The following OR6Y1 variants were observed in gnomAD, a reference collection of about 807,000 sequenced individuals.
The protein encoded by OR6Y1 is olfactory receptor family 6 subfamily Y member 1.
Under a neutral mutation model 0.4 loss-of-function variants are expected in OR6Y1, and 1 was observed. The observed-to-expected ratio is 2.74, with a 90% CI of 0.97 to 13.02. The LOEUF is 13.02. OR6Y1 is among the 30% of genes most tolerant of loss of function. The pLI, the probability that OR6Y1 is intolerant of heterozygous loss-of-function variation, is 0.12. For synonymous variants in OR6Y1, 173 were observed against 141.1 expected (o/e 1.23, Z -1.60); for missense variants, 480 against 399.8 (o/e 1.20, Z -1.71).
chr1:158,549,769 G>A (rs1244029175), intron 1 of OR6Y1, among the ~76,000 whole-genome samples: 3 of 151,714 alleles, frequency 2.0e-5, no homozygotes, highest in Non-Finnish European at 4.4e-5. Context: ...GTGTGAGAGT[G>A]GGACTTACAA....
Position 158,547,582 on chromosome 1 carries a change from C to T in OR6Y1, c.524G>A (p.Gly175Asp). 6.2e-7 allele frequency: 1 copy of T among 1,613,138 alleles called. No individual in the cohort carries two copies. Among genetic ancestry groups the T allele is most frequent in the Non-Finnish European group, 8.5e-7 (1 of 1,179,876 alleles). ...MVFIAQLHYC[G>D]MPQINHYFCD... ...AAAGTAGTGATTGATCTGAGGCATG[C>T]CACAGTAGTGAAGTTGTGCTATAAA... Residue 175 changes from glycine to aspartate, a missense_variant, in exon 2 of 2, where the codon GGC (glycine) becomes GAC (aspartate). Coordinates refer to ENST00000641622, the MANE Select transcript of OR6Y1 (RefSeq NM_001005189.2).
At chr1:158,550,739 G>A (rs911184549) in intron 1 of OR6Y1, among the ~76,000 whole-genome samples, 1 of 151,802 alleles carries the variant, frequency 6.6e-6, no homozygotes, top group Admixed American at 6.6e-5. Flanking sequence ...TTCTCAGACT[G>A]TTTAGACAGT....
In OR6Y1 at chr1:158,545,648, T is replaced by A. The variant is rs1647508849; in HGVS notation, c.*1480A>T. 1 of 152,144 alleles carries A rather than the reference T, an allele frequency of 6.6e-6. No individual in the cohort carries two copies. Among genetic ancestry groups the A allele is most frequent in the African/African-American group, 2.4e-5 (1 of 41,446 alleles). The allele number at this position is 152,144 out of a possible 1,614,324, so 9.4% of individuals were successfully genotyped here. On this transcript the variant is annotated 3_prime_UTR_variant, in exon 2 of 2. Transcript: ENST00000641622. ...CACTTTTAAATGGAGTTGTTTGTTT[T>A]CATCTTGTAAATATGTTTAAGTTCC...
Position 158,546,237 on chromosome 1 carries a change from G to T in OR6Y1, c.*891C>A, listed in dbSNP as rs1029630273. Reference sequence around the variant, plus strand: ...TATAAAAACCCTACTTTCAAATATGGTCACATTCTGAGAGACTGGGGTTAG... The same window carrying T: ...TATAAAAACCCTACTTTCAAATATGTTCACATTCTGAGAGACTGGGGTTAG... On this transcript the variant is annotated 3_prime_UTR_variant, in exon 2 of 2. Transcript: ENST00000641622. 6 of 152,052 alleles carry T rather than the reference G, an allele frequency of 3.9e-5. No individual in the cohort carries two copies. The highest frequency in any genetic ancestry group is 1.5e-4 in the African/African-American group (6 of 41,362). 9.4% of individuals were successfully genotyped at this position (152,052 alleles called of 1,614,324 possible). A position where few individuals can be genotyped will look rare whatever the true frequency, so the allele number is the denominator to read the frequency against.
intron 1 of OR6Y1, among the ~76,000 whole-genome samples, chr1:158,552,720 G>A (rs555724541): frequency 3.0e-4 from 46 of 152,250 alleles, no homozygotes; most frequent in Non-Finnish European, 5.0e-4. Context: ...GGTAGTGAAA[G>A]AAGTAACAAA....
In OR6Y1 at chr1:158,546,984, TAC is replaced by T. The variant is rs146696321; in HGVS notation, c.*142_*143del. ...ATGTTTCTCCAGTCATGATTGTGTA[TAC>T]ACACACACACACATGCACACACACA... On this transcript the variant is annotated 3_prime_UTR_variant, in exon 2 of 2. Coordinates refer to ENST00000641622, the MANE Select transcript of OR6Y1 (RefSeq NM_001005189.2). 6.8e-3 allele frequency: 4,748 copies of T among 701,448 alleles called. No homozygotes were observed. Among genetic ancestry groups the T allele is most frequent in the Middle Eastern group, 8.1e-3 (19 of 2,338 alleles). The allele number at this position is 701,448 out of a possible 1,614,324, so 43.5% of individuals were successfully genotyped here. A position where few individuals can be genotyped will look rare whatever the true frequency, so the allele number is the denominator to read the frequency against.
Position 158,547,227 on chromosome 1 carries a change from G to T in OR6Y1, c.879C>A (p.Ile293=). 1 of 1,613,630 alleles carries T rather than the reference G, an allele frequency of 6.2e-7. No homozygotes were observed. The highest frequency in any genetic ancestry group is 1.1e-5 in the South Asian group (1 of 91,070). ...CTTCATGGTTCCTCAGACAGTAAAT[G>T]ATGGGGTTGAGGAGTGGAACAATGA... is the stretch of plus-strand genomic sequence containing the variant. ...YTVIVPLLNP[I]IYCLRNHEVK... is the part of the protein sequence containing the mutation. The change falls in exon 2 of 2, where the codon ATC becomes ATA. Residue 293 remains isoleucine (I), a synonymous_variant. Transcript: ENST00000641622.
In OR6Y1 at chr1:158,548,895, C is replaced by T. The variant is rs923806234; in HGVS notation, c.-790G>A. 1 of 151,686 alleles carries T rather than the reference C, an allele frequency of 6.6e-6. No individual in the cohort carries two copies. Among genetic ancestry groups the T allele is most frequent in the South Asian group, 2.1e-4 (1 of 4,822 alleles). The allele number at this position is 151,686 out of a possible 1,614,324, so 9.4% of individuals were successfully genotyped here. ...TACAATGGGGTTCACATTTTGTGAA[C>T]ATCAAATGGGATTTAGAGTTTAAAT... On this transcript the variant is annotated 5_prime_UTR_variant, in exon 2 of 2. An upstream start codon of the reference 5' UTR is lost. Transcript: ENST00000641622.
chr1:158,553,944 A>G (rs1647769811), intron 1 of OR6Y1, among the ~76,000 whole-genome samples: 1 of 152,312 alleles, frequency 6.6e-6, no homozygotes, highest in African/African-American at 2.4e-5. Flanking sequence ...ATGAGAATCC[A>G]TATTACACTA....
In OR6Y1 at chr1:158,548,090, G is replaced by A. The variant is rs766724500; in HGVS notation, c.16C>T (p.Leu6=). The A allele has an allele frequency of 6.2e-7, 1 of 1,612,336 alleles. No individual in the cohort carries two copies. The highest frequency in any genetic ancestry group is 2.2e-5 in the East Asian group (1 of 44,860). The change falls in exon 2 of 2, where the codon CTG becomes TTG. Residue 6 remains leucine, a synonymous_variant. Transcript: ENST00000641622. ...GTCACTGTATGATTATCTACTTCCA[G>A]AATTATGGTGGTCATGACTGGCTGT... MTTII[L]EVDNHTVTTR...
At chr1:158,553,645 G>A (rs1647759052) in intron 1 of OR6Y1, among the ~76,000 whole-genome samples, 1 of 152,022 alleles carries the variant, frequency 6.6e-6, no homozygotes, top group Non-Finnish European at 1.5e-5. Flanking sequence ...GTCAGTCCCT[G>A]CTCTTATTTA....
At position 158,549,111 on chromosome 1, in the gene OR6Y1, G is replaced by T. The variant is rs1647634270; in HGVS notation, c.-1006C>A. Reference sequence around the variant, plus strand: ...CCATTGTTAATGAAAAAAGGGAGAGGACCGTGGGACTTTTCCAAGGGTAAT... The same window carrying T: ...CCATTGTTAATGAAAAAAGGGAGAGTACCGTGGGACTTTTCCAAGGGTAAT... On this transcript the variant is annotated 5_prime_UTR_variant, in exon 2 of 2. Coordinates refer to ENST00000641622, the MANE Select transcript of OR6Y1 (RefSeq NM_001005189.2). 6.6e-6 allele frequency: 1 copy of T among 151,686 alleles called. No individual in the cohort carries two copies. Among genetic ancestry groups the T allele is most frequent in the African/African-American group, 2.4e-5 (1 of 41,018 alleles). The allele number at this position is 151,686 out of a possible 1,614,324, so 9.4% of individuals were successfully genotyped here.
Position 158,548,084 on chromosome 1 carries a change from C to G in OR6Y1, c.22G>C (p.Val8Leu), listed in dbSNP as rs763506756. 1 of 1,612,784 alleles carries G rather than the reference C, an allele frequency of 6.2e-7. No homozygotes were observed. The highest frequency in any genetic ancestry group is 8.5e-7 in the Non-Finnish European group (1 of 1,179,744). The change falls in exon 2 of 2, where the codon GTA becomes CTA. Residue 8 changes from valine to leucine, a missense_variant. Coordinates refer to ENST00000641622, the MANE Select transcript of OR6Y1 (RefSeq NM_001005189.2). MTTIILE[V>L]DNHTVTTRFI... Reference sequence around the variant, plus strand: ...CGTGTTGTCACTGTATGATTATCTACTTCCAGAATTATGGTGGTCATGACT... The same window carrying G: ...CGTGTTGTCACTGTATGATTATCTAGTTCCAGAATTATGGTGGTCATGACT...
chr1:158,547,394 C>T lies in OR6Y1; in HGVS notation c.712G>A (p.Gly238Ser). 6.2e-7 allele frequency: 1 copy of T among 1,613,384 alleles called. No individual in the cohort carries two copies. Among genetic ancestry groups the T allele is most frequent in the Non-Finnish European group, 8.5e-7 (1 of 1,179,968 alleles). ...ATILRIPSAQ[G>S]RQKAFSTCAS... ...CAGGTGGAGAATGCCTTTTGGCGGC[C>T]CTGAGCAGAAGGGATCCTGAGGATG... Residue 238 changes from glycine to serine, a missense_variant, in exon 2 of 2, where the codon GGC (glycine) becomes AGC (serine). Gly to Ser is a moderately conservative substitution (Grantham distance 56). Transcript: ENST00000641622.
In OR6Y1 at chr1:158,545,524, C is replaced by T. The variant is rs778321205; in HGVS notation, c.*1604G>A. 1 of 151,802 alleles carries T rather than the reference C, an allele frequency of 6.6e-6. No individual in the cohort carries two copies. The highest frequency in any genetic ancestry group is 1.9e-4 in the East Asian group (1 of 5,180). 9.4% of individuals were successfully genotyped at this position (151,802 alleles called of 1,614,324 possible). ...AAAATAAAACCACTCATTGTGGATT[C>T]GATTTTCATTTCTCTAATGATCAGT... On this transcript the variant is annotated 3_prime_UTR_variant, in exon 2 of 2. Transcript: ENST00000641622.
At position 158,547,322 on chromosome 1, in the gene OR6Y1, A is replaced by C. The variant is rs1647569137; in HGVS notation, c.784T>G (p.Phe262Val). The change falls in exon 2 of 2, where the codon TTC becomes GTC. Residue 262 changes from phenylalanine (F) to valine (V), a missense_variant. Phe to Val is a conservative substitution (Grantham distance 50, BLOSUM62 -1). Transcript: ENST00000641622. ...VVILFYSMTL[F>V]TYARPKLMYA... is the part of the protein sequence containing the mutation. ...ATGAGTTTGGGACGGGCATAGGTGA[A>C]AAGTGTCATGGAATAGAAGAGAATT... 1 of 1,613,414 alleles carries C rather than the reference A, an allele frequency of 6.2e-7. No homozygotes were observed. Among genetic ancestry groups the C allele is most frequent in the Non-Finnish European group, 8.5e-7 (1 of 1,179,996 alleles).
intron 1 of OR6Y1, among the ~76,000 whole-genome samples, chr1:158,551,299 A>G (rs1388153284): frequency 6.6e-6 from 1 of 151,666 alleles, no homozygotes; most frequent in African/African-American, 2.4e-5. Flanking sequence ...AAACCATCTC[A>G]CTTTTTCTTG....
chr1:158,546,838 C>CT lies in OR6Y1; in HGVS notation c.*289dup, dbSNP rs1199665507. The stretch of plus-strand genomic sequence containing the variant: ...AAAAAGTATTCATCTTCCTCCTTTC[C>CT]TCCCTCCTACCACCCACTCTCTCTG... On this transcript the variant is annotated 3_prime_UTR_variant, in exon 2 of 2. Transcript: ENST00000641622. 1 of 248,660 alleles carries CT rather than the reference C, an allele frequency of 4.0e-6. No homozygotes were observed. The highest frequency in any genetic ancestry group is 8.6e-5 in the South Asian group (1 of 11,678). The allele number at this position is 248,660 out of a possible 1,614,324, so 15.4% of individuals were successfully genotyped here.
In OR6Y1 at chr1:158,551,694, A is replaced by G. The variant is rs758924159; in HGVS notation, c.-1432-2157T>C. Among the ~76,000 whole-genome samples, 4 of 151,520 alleles carry G rather than the reference A, an allele frequency of 2.6e-5. 1 individual carries two copies. Among genetic ancestry groups the G allele is most frequent in the African/African-American group, 4.9e-5 (2 of 40,922 alleles). ...GAGTCTTACAACTATGATTTTCTCA[A>G]AAAATATATATATTTTAGCTTTCAC... On this transcript the variant is annotated intron_variant, in intron 1 of 1. Coordinates refer to ENST00000641622, the MANE Select transcript of OR6Y1 (RefSeq NM_001005189.2).
Sources: allele counts gnomAD v4.1 joint callset (sites outside exome capture counted in the v4.1 genomes callset), GRCh38; gene constraint gnomAD v4.1.1; transcripts MANE v1.5; gene names NCBI Gene and HGNC (gene_info 2026-07-23, HGNC 2026-07-21).